The following TSPAN13 variants were observed in gnomAD, a reference collection of about 807,000 sequenced individuals.
The protein encoded by TSPAN13 is tetraspanin-13.
TSPAN13 carries 18 observed loss-of-function variants against 26.9 expected under a neutral mutation model. That is an observed-to-expected ratio of 0.67 (90% CI 0.46 to 0.99). The LOEUF is 0.99. TSPAN13 is among the 50% of genes least tolerant of loss of function. The pLI is 0.00. For synonymous variants in TSPAN13, 116 were observed against 98.4 expected (o/e 1.18, Z -1.06); for missense variants, 201 against 249.6 (o/e 0.81, Z 1.31).
intron 5 of TSPAN13, 94 bp from the exon 6 acceptor site, chr7:16,783,323 G>A (rs973988681): frequency 8.0e-7 from 1 of 1,243,028 alleles, no homozygotes; most frequent in African/African-American, 1.5e-5. Context: ...CAAAGCGATT[G>A]AGAGGGTCCA....
intron 1 of TSPAN13, among the ~76,000 whole-genome samples, chr7:16,768,410 T>C (rs574504821): frequency 1.3e-5 from 2 of 152,346 alleles, no homozygotes; most frequent in South Asian, 4.1e-4. Flanking sequence ...CCTTACTGTC[T>C]AACCTTGGGC....
chr7:16,775,262 G>T (rs1040838378), intron 1 of TSPAN13, among the ~76,000 whole-genome samples: 29 of 152,032 alleles, frequency 1.9e-4, no homozygotes, highest in African/African-American at 6.5e-4. Flanking sequence ...CCATCTTTAT[G>T]TGGCATACTA....
At chr7:16,758,669 G>T (rs1486834212) in intron 1 of TSPAN13, among the ~76,000 whole-genome samples, 2 of 152,022 alleles carry the variant, frequency 1.3e-5, no homozygotes, top group Non-Finnish European at 2.9e-5. Context: ...CATGAAAGTT[G>T]GCATTAGGTT....
Position 16,783,663 on chromosome 7 carries a change from C to T in TSPAN13, c.*172C>T, listed in dbSNP as rs545069542. 4.1e-5 allele frequency: 26 copies of T among 641,092 alleles called. No individual in the cohort carries two copies. Among genetic ancestry groups the T allele is most frequent in the Middle Eastern group, 3.7e-4 (1 of 2,680 alleles). 39.7% of individuals were successfully genotyped at this position (641,092 alleles called of 1,614,324 possible). On this transcript the variant is annotated 3_prime_UTR_variant, in exon 6 of 6. Coordinates refer to ENST00000262067, the MANE Select transcript of TSPAN13 (RefSeq NM_014399.4). ...GTTTCTCTACATGTTTTTTTCTTTC[C>T]GTTGCTGAAAAATATTTGAAACTTG...
rs368625502 is a variant in TSPAN13, at chr7:16,765,824, A to G, written c.64-10387A>G. On this transcript the variant is annotated intron_variant, in intron 1 of 5. Coordinates refer to ENST00000262067, the MANE Select transcript of TSPAN13 (RefSeq NM_014399.4). Reference sequence around the variant, plus strand: ...TTGATTTCATAAGGAAACTGTTATTATAATAGAACAAAAGATTCTTTGGAG... The same window carrying G: ...TTGATTTCATAAGGAAACTGTTATTGTAATAGAACAAAAGATTCTTTGGAG... Among the ~76,000 whole-genome samples the G allele has an allele frequency of 2.6e-5, 4 of 152,316 alleles. No individual in the cohort carries two copies. In the South Asian group the frequency reaches 8.3e-4, roughly 32 times the overall value.
In TSPAN13 at chr7:16,784,365, G is replaced by T. The variant is rs1274062946; in HGVS notation, c.*874G>T. On this transcript the variant is annotated 3_prime_UTR_variant, in exon 6 of 6. Transcript: ENST00000262067. Reference sequence around the variant, plus strand: ...CGTTTTCATGAAATTTCTCAGTATTGTAACAGCAACTTGTCAAACCTAAGC... The same window carrying T: ...CGTTTTCATGAAATTTCTCAGTATTTTAACAGCAACTTGTCAAACCTAAGC... 6.6e-6 allele frequency: 1 copy of T among 152,112 alleles called. No homozygotes were observed. The highest frequency in any genetic ancestry group is 2.4e-5 in the African/African-American group (1 of 41,432). 9.4% of individuals were successfully genotyped at this position (152,112 alleles called of 1,614,324 possible).
chr7:16,771,174 C>G (rs567733652), intron 1 of TSPAN13, among the ~76,000 whole-genome samples: 1 of 152,336 alleles, frequency 6.6e-6, no homozygotes, highest in African/African-American at 2.4e-5. Context: ...GCTTTCGATT[C>G]TCCTTTCATT....
chr7:16,770,706 G>T (rs775170006), intron 1 of TSPAN13, among the ~76,000 whole-genome samples: 4 of 152,106 alleles, frequency 2.6e-5, no homozygotes, highest in Admixed American at 2.6e-4. Flanking sequence ...TGGGAATCCT[G>T]TAAGGGCTGG....
At chr7:16,772,777 C>A (rs1376965563) in intron 1 of TSPAN13, among the ~76,000 whole-genome samples, 1 of 152,116 alleles carries the variant, frequency 6.6e-6, no homozygotes, top group Non-Finnish European at 1.5e-5. Flanking sequence ...AGGTGGATCA[C>A]CTGAGGTCAG....
chr7:16,770,508 C>T (rs1206090048), intron 1 of TSPAN13, among the ~76,000 whole-genome samples: 2 of 152,204 alleles, frequency 1.3e-5, no homozygotes, highest in Non-Finnish European at 1.5e-5. Flanking sequence ...CCGCGCCCAG[C>T]CCCCTTTTAT....
At chr7:16,769,671 T>A (rs1357394448) in intron 1 of TSPAN13, among the ~76,000 whole-genome samples, 1 of 152,192 alleles carries the variant, frequency 6.6e-6, no homozygotes, top group Non-Finnish European at 1.5e-5. Flanking sequence ...TTAATTTTTT[T>A]TTGATTTTTT....
intron 1 of TSPAN13, among the ~76,000 whole-genome samples, chr7:16,764,037 G>C (rs777123983): frequency 3.9e-5 from 6 of 152,054 alleles, no homozygotes; most frequent in Non-Finnish European, 7.4e-5. Context: ...ATTTTTATTT[G>C]AGATGGAGTC....
At chr7:16,754,207 G>C (rs532796217) in intron 1 of TSPAN13, among the ~76,000 whole-genome samples, 177 bp downstream of exon 1, 1 of 152,288 alleles carries the variant, frequency 6.6e-6, no homozygotes, top group Non-Finnish European at 1.5e-5. Flanking sequence ...GGGCGCCGGC[G>C]CTTGTCGCAG....
chr7:16,753,889 G>C lies in TSPAN13; in HGVS notation c.-79G>C. ...TGCCCCGCCTGGGCCAGGCCCCAAA[G>C]GCAAGGACAAAGCAGCTGTCAGGGA... is the stretch of plus-strand genomic sequence containing the variant. On this transcript the variant is annotated 5_prime_UTR_variant, in exon 1 of 6. Transcript: ENST00000262067. The C allele has an allele frequency of 6.8e-7, 1 of 1,480,642 alleles. No homozygotes were observed. Among genetic ancestry groups the C allele is most frequent in the Non-Finnish European group, 9.3e-7 (1 of 1,078,714 alleles). 91.7% of individuals were successfully genotyped at this position (1,480,642 alleles called of 1,614,324 possible). A position where few individuals can be genotyped will look rare whatever the true frequency, so the allele number is the denominator to read the frequency against.
At chr7:16,778,460 A>C (rs1289204035) in intron 4 of TSPAN13, among the ~76,000 whole-genome samples, 1 of 152,186 alleles carries the variant, frequency 6.6e-6, no homozygotes, top group African/African-American at 2.4e-5. Context: ...TCCTTTGCTC[A>C]CCTGGCTGAA....
At chr7:16,756,835 C>T (rs1784485460) in intron 1 of TSPAN13, among the ~76,000 whole-genome samples, 1 of 152,192 alleles carries the variant, frequency 6.6e-6, no homozygotes, top group African/African-American at 2.4e-5. Context: ...CTTCATTCAA[C>T]AATTATTGAG....
intron 4 of TSPAN13, among the ~76,000 whole-genome samples, chr7:16,778,705 G>A (rs1008978717): frequency 6.6e-6 from 1 of 152,200 alleles, no homozygotes; most frequent in Non-Finnish European, 1.5e-5. Flanking sequence ...CTGTTAAGAT[G>A]GAGTCTTTTG....
At chr7:16,769,096 G>A (rs1055550564) in intron 1 of TSPAN13, among the ~76,000 whole-genome samples, 3 of 152,038 alleles carry the variant, frequency 2.0e-5, no homozygotes, top group Non-Finnish European at 2.9e-5. Flanking sequence ...AAAGTGCTAG[G>A]ATTACACGCA....
chr7:16,754,342 C>T (rs1437561244), intron 1 of TSPAN13, among the ~76,000 whole-genome samples: 5 of 152,234 alleles, frequency 3.3e-5, no homozygotes, highest in African/African-American at 1.2e-4. Flanking sequence ...CGGACCTCTC[C>T]GCTTTCCCAC....
Sources: gnomAD v4.1 joint callset for allele counts (sites outside exome capture counted in the v4.1 genomes callset) on GRCh38, gnomAD v4.1.1 for gene constraint, MANE v1.5 for transcripts, NCBI Gene and HGNC (gene_info 2026-07-23, HGNC 2026-07-21) for gene names.